The following PTPRD variants were observed in gnomAD, a reference collection of about 807,000 sequenced individuals.
The protein encoded by PTPRD is protein tyrosine phosphatase receptor type D, also known as receptor-type tyrosine-protein phosphatase delta.
PTPRD carries 34 observed loss-of-function variants against 214.5 expected under a neutral mutation model. The ratio of observed to expected loss-of-function variants is 0.16; its 90% confidence interval spans 0.12 to 0.21. The LOEUF (loss-of-function observed/expected upper bound fraction) is 0.21. PTPRD is among the 10% of genes least tolerant of loss of function. PTPRD has a pLI of 1.00. For synonymous variants in PTPRD, 1,128 were observed against 845.7 expected, an observed-to-expected ratio of 1.33 and a Z score of -5.79; for missense variants, 2,545 against 2,398.7, an observed-to-expected ratio of 1.06 and a Z score of -1.27.
At chr9:10,518,390 GA>G (rs1428863086) in intron 2 of PTPRD, among the ~76,000 whole-genome samples, 1 of 151,752 alleles carries the variant, frequency 6.6e-6, no homozygotes, top group Non-Finnish European at 1.5e-5. Context: ...TTTACAAGTA[GA>G]AAAAAATTAA....
chr9:9,058,021 A>ATTGT (rs2099699492), intron 10 of PTPRD, among the ~76,000 whole-genome samples: 1 of 152,204 alleles, frequency 6.6e-6, no homozygotes, highest in Admixed American at 6.5e-5. Context: ...TCAATACTCT[A>ATTGT]TTGTTTAGAA....
At chr9:8,906,529 C>T (rs1449422050) in intron 11 of PTPRD, among the ~76,000 whole-genome samples, 1 of 152,182 alleles carries the variant, frequency 6.6e-6, no homozygotes, top group Non-Finnish European at 1.5e-5. Flanking sequence ...TGACGTACTA[C>T]ATTGTAAGAA....
intron 3 of PTPRD, among the ~76,000 whole-genome samples, chr9:10,118,949 CATAGA>C (rs1170649937): frequency 6.6e-6 from 1 of 151,464 alleles, no homozygotes; most frequent in Non-Finnish European, 1.5e-5. Context: ...GAAAGAGATA[CATAGA>C]ATAAAAACAG....
intron 3 of PTPRD, among the ~76,000 whole-genome samples, chr9:10,146,341 A>C (rs73394271): frequency 0.043 from 6,553 of 152,154 alleles, 166 homozygotes; most frequent in Middle Eastern, 0.11. Flanking sequence ...AGTGGTAAGG[A>C]TACATGGTTA....
At chr9:8,336,816 G>C (rs1419378060) in intron 43 of PTPRD, among the ~76,000 whole-genome samples, 1 of 152,156 alleles carries the variant, frequency 6.6e-6, no homozygotes, top group South Asian at 2.1e-4. Context: ...CTTCTCAGAA[G>C]AAGACACCGA....
At chr9:8,533,142 TACTTTCACTCC>T (rs1274995213) in intron 14 of PTPRD, among the ~76,000 whole-genome samples, 1 of 152,068 alleles carries the variant, frequency 6.6e-6, no homozygotes, top group African/African-American at 2.4e-5. Context: ...ACGATGCTCT[TACTTTCACTCC>T]ACTTTCACAA....
At chr9:9,599,178 G>A (rs2093579766) in intron 7 of PTPRD, among the ~76,000 whole-genome samples, 1 of 151,938 alleles carries the variant, frequency 6.6e-6, no homozygotes, top group South Asian at 2.1e-4. Flanking sequence ...GACATTATAT[G>A]AGTGCTTTAC....
In PTPRD at chr9:8,491,211, A is replaced by G. The variant is rs535216397; in HGVS notation, c.2467+1651T>C. Reference sequence around the variant, plus strand: ...TTTCTATCTCAATACCGAAGCCTCTATTGATTAAGAAGGATCTAAAATTGT... The same window carrying G: ...TTTCTATCTCAATACCGAAGCCTCTGTTGATTAAGAAGGATCTAAAATTGT... On this transcript the variant is annotated intron_variant, in intron 27 of 45. Transcript: ENST00000381196. 2.6e-5 allele frequency among the ~76,000 whole-genome samples: 4 copies of G among 152,356 alleles called. No individual in the cohort carries two copies. The East Asian group carries it at 7.7e-4, about 29-fold the overall frequency.
At chr9:9,646,345 G>GC (rs1564284096) in intron 7 of PTPRD, among the ~76,000 whole-genome samples, 18 of 145,932 alleles carry the variant, frequency 1.2e-4, no homozygotes, top group African/African-American at 4.4e-4. Flanking sequence ...GTGTGTGTGG[G>GC]TGTGTGTGTG....
intron 9 of PTPRD, among the ~76,000 whole-genome samples, chr9:9,208,616 G>C (rs540017863): frequency 1.3e-5 from 2 of 152,124 alleles, no homozygotes; most frequent in South Asian, 4.1e-4. Flanking sequence ...AACATACCAA[G>C]TGTTTTTCCT....
At chr9:10,603,805 A>G (rs1226089580) in intron 2 of PTPRD, among the ~76,000 whole-genome samples, 1 of 151,878 alleles carries the variant, frequency 6.6e-6, no homozygotes, top group African/African-American at 2.4e-5. Flanking sequence ...TAAAAAGATC[A>G]TAGTGACCTT....
At chr9:8,973,345 T>A (rs1325729347) in intron 11 of PTPRD, among the ~76,000 whole-genome samples, 1 of 152,042 alleles carries the variant, frequency 6.6e-6, no homozygotes, top group Non-Finnish European at 1.5e-5. Context: ...ATTAATTTGC[T>A]TAGGATAATG....
chr9:8,343,860 C>T (rs577936719), intron 39 of PTPRD, among the ~76,000 whole-genome samples: 7 of 152,062 alleles, frequency 4.6e-5, no homozygotes, highest in South Asian at 2.1e-4. Flanking sequence ...CAGCCCGTCC[C>T]GGTAAGGTAA....
intron 11 of PTPRD, among the ~76,000 whole-genome samples, chr9:8,976,090 G>A (rs944781673): frequency 1.3e-5 from 2 of 151,968 alleles, no homozygotes; most frequent in Non-Finnish European, 2.9e-5. Flanking sequence ...TTTCTGGGGA[G>A]TCCTAATAAA....
At chr9:9,601,543 G>A (rs1056288665) in intron 7 of PTPRD, among the ~76,000 whole-genome samples, 23 of 152,122 alleles carry the variant, frequency 1.5e-4, no homozygotes, top group African/African-American at 5.1e-4. Flanking sequence ...ATTATTTTTG[G>A]AAGAATGGAG....
At chr9:8,431,526 T>G (rs2095053763) in intron 35 of PTPRD, among the ~76,000 whole-genome samples, 1 of 152,206 alleles carries the variant, frequency 6.6e-6, no homozygotes, top group Non-Finnish European at 1.5e-5. Flanking sequence ...CTAGTCTAAA[T>G]AAGATTTGTA....
chr9:9,308,502 A>G (rs1010974585), intron 9 of PTPRD, among the ~76,000 whole-genome samples: 1 of 152,208 alleles, frequency 6.6e-6, no homozygotes, highest in Non-Finnish European at 1.5e-5. Flanking sequence ...AAAGAGAAGC[A>G]TAAGATGAAC....
chr9:8,908,680 G>A (rs1225274517), intron 11 of PTPRD, among the ~76,000 whole-genome samples: 2 of 151,480 alleles, frequency 1.3e-5, no homozygotes, highest in Non-Finnish European at 3.0e-5. Flanking sequence ...TCCATCTTAA[G>A]AAACTATAAA....
At chr9:9,429,854 C>A (rs902129553) in intron 8 of PTPRD, among the ~76,000 whole-genome samples, 14 of 151,988 alleles carry the variant, frequency 9.2e-5, no homozygotes, top group Non-Finnish European at 1.6e-4. Context: ...TTCAACAACC[C>A]TTCATGCTAA....
Sources: gnomAD v4.1 joint callset for allele counts (sites outside exome capture counted in the v4.1 genomes callset) on GRCh38, gnomAD v4.1.1 for gene constraint, MANE v1.5 for transcripts, NCBI Gene and HGNC (gene_info 2026-07-23, HGNC 2026-07-21) for gene names.